Variants in HHIPL1 observed in about 807,000 individuals in gnomAD.
HHIPL1 encodes HHIP-like protein 1.
A neutral mutation model predicts 61.8 loss-of-function variants in HHIPL1; 43 were observed. That is an observed-to-expected ratio of 0.70 (90% confidence interval 0.55 to 0.90). The LOEUF is 0.90. Ranked by LOEUF, HHIPL1 falls within the 40% of genes least tolerant of loss-of-function variation. The pLI is 0.00. For missense variants in HHIPL1, 1,056 were observed against 1,157.7 expected (o/e 0.91, Z 1.28); for synonymous variants, 482 against 515.8 (o/e 0.93, Z 0.89).
chr14:99,615,465 G>A, the HHIPL1 span, among the ~76,000 whole-genome samples: 1 of 152,098 alleles, frequency 6.6e-6, no homozygotes, highest in African/African-American at 2.4e-5. Context: ...GGTTACTAGA[G>A]CCCGGGAGGT....
chr14:99,670,313 T>C (rs1394109584), intron 7 of HHIPL1, among the ~76,000 whole-genome samples: 2 of 152,198 alleles, frequency 1.3e-5, no homozygotes, highest in Non-Finnish European at 2.9e-5. Context: ...GGTTTTGCCA[T>C]GTTGGCTAGG....
chr14:99,670,824 C>A (rs987829730), intron 7 of HHIPL1, among the ~76,000 whole-genome samples: 2 of 152,174 alleles, frequency 1.3e-5, no homozygotes, highest in Non-Finnish European at 2.9e-5. Context: ...TCTGCTGAGT[C>A]ACTATAACCC....
chr14:99,616,000 A>T, the HHIPL1 span, among the ~76,000 whole-genome samples: 2 of 152,228 alleles, frequency 1.3e-5, no homozygotes, highest in Admixed American at 1.3e-4. Context: ...TTGTACAAGG[A>T]AGGAAATCCA....
chr14:99,659,716 C>T lies in HHIPL1; in HGVS notation c.1335C>T (p.Phe445=), dbSNP rs1479535688. ...ATGGCTGGCGCGCGCGCGAAGGGTT[C>T]GAGTGCTACGACCGCAGCCTGTGCG... ...GNYGWRAREG[F]ECYDRSLCAN... is the part of the protein sequence containing the mutation. Residue 445 remains phenylalanine, a synonymous_variant, in exon 4 of 9, where the codon TTC becomes TTT. Transcript: ENST00000330710. 2.7e-6 allele frequency: 4 copies of T among 1,479,288 alleles called. No homozygotes were observed. The highest frequency in any genetic ancestry group is 2.7e-6 in the Non-Finnish European group (3 of 1,120,704). 91.6% of individuals were successfully genotyped at this position (1,479,288 alleles called of 1,614,324 possible).
chr14:99,649,048 G>C (rs757025788), intron 1 of HHIPL1, among the ~76,000 whole-genome samples: 7 of 152,142 alleles, frequency 4.6e-5, no homozygotes, highest in Non-Finnish European at 1.0e-4. Context: ...GCCAAGCTGC[G>C]GATCATCCTC....
chr14:99,614,726 A>G, the HHIPL1 span, among the ~76,000 whole-genome samples: 5 of 152,184 alleles, frequency 3.3e-5, no homozygotes, highest in Non-Finnish European at 7.3e-5. Flanking sequence ...CGTTATCCAG[A>G]TTCCCCAAAT....
rs773452759 is a variant in HHIPL1 at position 99,659,492 on chromosome 14, G to A, written c.1111G>A (p.Gly371Ser). The change falls in exon 4 of 9, where the codon GGC (glycine) becomes AGC (serine). Residue 371 changes from glycine to serine, a missense_variant. Physicochemically the swap from Gly to Ser is moderately conservative, Grantham distance 56. Transcript: ENST00000330710. ...CCGTAAGGAGCGCGGCCTGCCCTACGGCATCCCGCCCGACAACCCGTTCGT... is the reference window on the plus strand; with the variant it reads ...CCGTAAGGAGCGCGGCCTGCCCTACAGCATCCCGCCCGACAACCCGTTCGT... ...VDRKERGLPY[G>S]IPPDNPFVGD... 2.6e-6 allele frequency: 4 copies of A among 1,538,688 alleles called. No homozygotes were observed. Among genetic ancestry groups the A allele is most frequent in the African/African-American group, 2.8e-5 (2 of 71,854 alleles).
Position 99,678,406 on chromosome 14 carries a change from A to G in HHIPL1, c.*2780A>G, listed in dbSNP as rs1373444351. On this transcript the variant is annotated 3_prime_UTR_variant, in exon 9 of 9. Coordinates refer to ENST00000330710, the MANE Select transcript of HHIPL1 (RefSeq NM_001127258.3). The stretch of plus-strand genomic sequence containing the variant: ...TAAATTTAATTCTTTCAGCAAGGCA[A>G]TTTTACTTTCTGCAGAAAGGGTGCT... The G allele has an allele frequency of 1.3e-5, 2 of 152,230 alleles. No homozygotes were observed. The highest frequency in any genetic ancestry group is 4.8e-5 in the African/African-American group (2 of 41,446). The allele number at this position is 152,230 out of a possible 1,614,324, so 9.4% of individuals were successfully genotyped here.
At position 99,677,665 on chromosome 14, in the gene HHIPL1, C is replaced by T. The variant is rs887558906; in HGVS notation, c.*2039C>T. On this transcript the variant is annotated 3_prime_UTR_variant, in exon 9 of 9. Coordinates refer to ENST00000330710, the MANE Select transcript of HHIPL1 (RefSeq NM_001127258.3). This position sits in a 1 kb window ranked among gnomAD's most constrained non-coding sequence, Gnocchi z 4.3. ...GAGACTGGAGCCAGGGAAGGTGCAG[C>T]AAGCCTTGAGGCCCTCAAGAATGCA... 6.6e-6 allele frequency: 1 copy of T among 152,412 alleles called. No homozygotes were observed. The highest frequency in any genetic ancestry group is 1.5e-5 in the Non-Finnish European group (1 of 68,190). 9.4% of individuals were successfully genotyped at this position (152,412 alleles called of 1,614,324 possible). A position where few individuals can be genotyped will look rare whatever the true frequency, so the allele number is the denominator to read the frequency against.
chr14:99,607,993 G>A, the HHIPL1 span, among the ~76,000 whole-genome samples: 1 of 152,154 alleles, frequency 6.6e-6, no homozygotes, highest in South Asian at 2.1e-4. Context: ...ATCATTGTGG[G>A]AGCATGCTCA....
intron 1 of HHIPL1, among the ~76,000 whole-genome samples, chr14:99,650,148 C>A (rs2140056166): frequency 6.6e-6 from 1 of 152,332 alleles, no homozygotes; most frequent in South Asian, 2.1e-4. Context: ...GACCAAAAGC[C>A]ACAATCATGT....
chr14:99,652,756 A>G lies in HHIPL1; in HGVS notation c.788A>G (p.Asn263Ser). The G allele has an allele frequency of 6.2e-7, 1 of 1,613,978 alleles. No homozygotes were observed. The highest frequency in any genetic ancestry group is 8.5e-7 in the Non-Finnish European group (1 of 1,180,022). ...GCCTTCCACCCCAGCTTCCAGCACA[A>G]CCGCAGGCTCTACGTCTACTACTCA... ...GIAFHPSFQHNRRLYVYYSVG... is the reference protein window; with the variant it reads ...GIAFHPSFQHSRRLYVYYSVG... Residue 263 changes from asparagine to serine, a missense_variant, in exon 2 of 9, where the codon AAC becomes AGC. Transcript: ENST00000330710.
the HHIPL1 span, among the ~76,000 whole-genome samples, chr14:99,633,663 C>T: frequency 1.3e-5 from 2 of 152,206 alleles, no homozygotes; most frequent in African/African-American, 2.4e-5. Context: ...ATCCCGCTTA[C>T]TAAATCTGGG....
chr14:99,649,879 C>T (rs999468169), intron 1 of HHIPL1, among the ~76,000 whole-genome samples: 9 of 152,260 alleles, frequency 5.9e-5, no homozygotes, highest in Non-Finnish European at 1.3e-4. Flanking sequence ...ACAGCCCCTC[C>T]CTGGTCCACG....
the HHIPL1 span, among the ~76,000 whole-genome samples, chr14:99,617,191 A>T: frequency 1.7e-4 from 26 of 152,242 alleles, no homozygotes; most frequent in African/African-American, 6.3e-4. Context: ...AAATGCATTC[A>T]CTCCATGGCA....
rs946826567 is a variant in HHIPL1, at chr14:99,645,326, C to T, written c.119C>T (p.Ala40Val). The change falls in exon 1 of 9, where the codon GCG becomes GTG. Residue 40 changes from alanine (A) to valine (V), a missense_variant. Transcript: ENST00000330710. ...CCGACGCAGCCGCTGCGCCTCTGCG[C>T]GCAGTACTCGGACTTCGGCTGCTGC... ...FRPTQPLRLC[A>V]QYSDFGCCDE... 37 of 1,458,892 alleles carry T rather than the reference C, an allele frequency of 2.5e-5. No homozygotes were observed. The highest frequency in any genetic ancestry group is 3.2e-5 in the Non-Finnish European group (35 of 1,110,472). 90.4% of individuals were successfully genotyped at this position (1,458,892 alleles called of 1,614,324 possible). A position where few individuals can be genotyped will look rare whatever the true frequency, so the allele number is the denominator to read the frequency against.
upstream of HHIPL1, among the ~76,000 whole-genome samples, chr14:99,640,478 C>A (rs1481501291): frequency 6.6e-6 from 1 of 151,878 alleles, no homozygotes; most frequent in Non-Finnish European, 1.5e-5. Flanking sequence ...CGAGACAGGG[C>A]TTTGCCATGC....
At chr14:99,608,928 A>G in the HHIPL1 span, among the ~76,000 whole-genome samples, 1 of 152,182 alleles carries the variant, frequency 6.6e-6, no homozygotes, top group Non-Finnish European at 1.5e-5. Flanking sequence ...GACCCCATAG[A>G]CTACTGTCTC....
At position 99,668,733 on chromosome 14, in the gene HHIPL1, C is replaced by A; in HGVS notation, c.1730+430C>A. 7.2e-7 allele frequency: 1 copy of A among 1,398,416 alleles called. No homozygotes were observed. Among genetic ancestry groups the A allele is most frequent in the Non-Finnish European group, 9.9e-7 (1 of 1,010,870 alleles). 86.6% of individuals were successfully genotyped at this position (1,398,416 alleles called of 1,614,324 possible). Reference sequence around the variant, plus strand: ...ATGACACCCTGATCCCTGTGTGTCCCCGCCCCGTGCCTGCCCTTCCTCCTG... The same window carrying A: ...ATGACACCCTGATCCCTGTGTGTCCACGCCCCGTGCCTGCCCTTCCTCCTG... On this transcript the variant is annotated intron_variant, in intron 7 of 8. Transcript: ENST00000330710. The surrounding 1 kb of genome is among the most constrained non-coding windows in gnomAD (Gnocchi z 4.7).
Sources: allele counts gnomAD v4.1 joint callset (sites outside exome capture counted in the v4.1 genomes callset), GRCh38; gene constraint gnomAD v4.1.1; non-coding constraint Gnocchi (gnomAD v3.1); transcripts MANE v1.5; gene names NCBI Gene and HGNC (gene_info 2026-07-23, HGNC 2026-07-21).